Variants in DYNC1I1 observed in about 807,000 individuals in gnomAD.
The protein encoded by DYNC1I1 is dynein cytoplasmic 1 intermediate chain 1.
A neutral mutation model predicts 86.6 loss-of-function variants in DYNC1I1; 43 were observed. That is an observed-to-expected ratio of 0.50 (90% CI 0.39 to 0.64). The LOEUF (loss-of-function observed/expected upper bound fraction) is 0.64, where lower values mean the gene tolerates loss of function less well. Ranked by LOEUF, DYNC1I1 falls within the 30% of genes least tolerant of loss-of-function variation. The pLI is 0.00. For synonymous variants in DYNC1I1, 262 were observed against 283.7 expected, an observed-to-expected ratio of 0.92 and a Z score of 0.77; for missense variants, 604 against 788.8, an observed-to-expected ratio of 0.77 and a Z score of 2.81.
At chr7:96,084,019 T>G (rs1437282127) in intron 16 of DYNC1I1, among the ~76,000 whole-genome samples, 1 of 152,208 alleles carries the variant, frequency 6.6e-6, no homozygotes, top group African/African-American at 2.4e-5. Flanking sequence ...ACATCTCATA[T>G]TCATTCTCCC....
chr7:95,939,488 G>T (rs1792140595), intron 6 of DYNC1I1, among the ~76,000 whole-genome samples: 1 of 151,838 alleles, frequency 6.6e-6, no homozygotes, highest in African/African-American at 2.4e-5. Context: ...CTCCTGTATT[G>T]GGTGCATATA....
intron 6 of DYNC1I1, among the ~76,000 whole-genome samples, chr7:95,920,444 G>A (rs1351407297): frequency 6.6e-6 from 1 of 152,154 alleles, no homozygotes; most frequent in Non-Finnish European, 1.5e-5. Context: ...TGGAACAGAA[G>A]AAGGACATTA....
In DYNC1I1 at chr7:96,105,095, C is replaced by T. The variant is rs1042788214; in HGVS notation, c.1543-4884C>T. ...CTAATTTTTTATGCTATTGTAAATACTATTGTTATTATTTTTCAATTTTTT... is the reference window on the plus strand; with the variant it reads ...CTAATTTTTTATGCTATTGTAAATATTATTGTTATTATTTTTCAATTTTTT... On this transcript the variant is annotated intron_variant, in intron 16 of 16. Coordinates refer to the DYNC1I1 transcript ENST00000537881. Among the ~76,000 whole-genome samples the T allele has an allele frequency of 2.0e-5, 3 of 151,370 alleles. No homozygotes were observed. The East Asian group carries it at 5.8e-4, about 29-fold the overall frequency.
intron 4 of DYNC1I1, chr7:95,818,472 A>AT: frequency 7.2e-6 from 4 of 552,390 alleles, no homozygotes; most frequent in East Asian, 3.1e-5. Context: ...CAGCTGATTT[A>AT]ATTTTTTTTT....
intron 6 of DYNC1I1, among the ~76,000 whole-genome samples, chr7:95,877,572 T>G (rs767959444): frequency 9.2e-5 from 14 of 152,154 alleles, no homozygotes; most frequent in Non-Finnish European, 1.6e-4. Context: ...TAACATGATT[T>G]TCAATGTTCA....
At chr7:95,920,686 G>A (rs947931730) in intron 6 of DYNC1I1, among the ~76,000 whole-genome samples, 1 of 152,138 alleles carries the variant, frequency 6.6e-6, no homozygotes, top group Non-Finnish European at 1.5e-5. Flanking sequence ...ACATCTCAGT[G>A]TCATTATTTT....
At chr7:96,088,901 G>A (rs1790760224) in intron 16 of DYNC1I1, among the ~76,000 whole-genome samples, 1 of 152,050 alleles carries the variant, frequency 6.6e-6, no homozygotes, top group South Asian at 2.1e-4. Context: ...TAAAGCATGA[G>A]TTACTTATCA....
chr7:96,105,375 A>G (rs1198176025), intron 16 of DYNC1I1, among the ~76,000 whole-genome samples: 1 of 151,476 alleles, frequency 6.6e-6, no homozygotes, highest in Non-Finnish European at 1.5e-5. Context: ...TCATGAGTAG[A>G]TGCTGAGTTT....
At chr7:96,077,685 G>T (rs962504562) in intron 15 of DYNC1I1, among the ~76,000 whole-genome samples, 1 of 152,108 alleles carries the variant, frequency 6.6e-6, no homozygotes, top group Non-Finnish European at 1.5e-5. Flanking sequence ...TTAGGAGACC[G>T]CTGTAGTAGA....
At chr7:96,099,467 C>T (rs1046732252), downstream of DYNC1I1, among the ~76,000 whole-genome samples, 3 of 152,162 alleles carry the variant, frequency 2.0e-5, no homozygotes, top group African/African-American at 7.2e-5. Context: ...ACTGCTATAA[C>T]AGAATACTGT....
At chr7:95,781,209 T>C (rs1793985450) in intron 1 of DYNC1I1, among the ~76,000 whole-genome samples, 1 of 152,204 alleles carries the variant, frequency 6.6e-6, no homozygotes. Context: ...AGGGACACTG[T>C]AAAAGGCCAG....
chr7:96,024,367 G>C (rs561369700), intron 10 of DYNC1I1, among the ~76,000 whole-genome samples: 4 of 152,250 alleles, frequency 2.6e-5, no homozygotes, highest in Admixed American at 2.6e-4. Flanking sequence ...AAAGTTCTGA[G>C]ATTACAGGTG....
In DYNC1I1 at chr7:95,905,720, T is replaced by C. The variant is rs75993641; in HGVS notation, c.490+35722T>C. On this transcript the variant is annotated intron_variant, in intron 6 of 16. Transcript: ENST00000447467. Reference sequence around the variant, plus strand: ...TCTGGGCTTTTTTTTTTTTCATAGATGGCATTTCATTATCCTGTCAACACT... The same window carrying C: ...TCTGGGCTTTTTTTTTTTTCATAGACGGCATTTCATTATCCTGTCAACACT... Among the ~76,000 whole-genome samples the C allele has an allele frequency of 3.1e-3, 463 of 151,786 alleles. 16 individuals are homozygous for C. The East Asian group carries it at 0.077, about 25-fold the overall frequency.
intron 6 of DYNC1I1, among the ~76,000 whole-genome samples, chr7:95,933,554 T>G (rs1386812718): frequency 6.6e-6 from 1 of 152,176 alleles, no homozygotes; most frequent in Non-Finnish European, 1.5e-5. Context: ...TTTGGTAGCT[T>G]AGAAATGGCA....
chr7:96,098,854 C>T (rs1460299182), downstream of DYNC1I1, among the ~76,000 whole-genome samples: 6 of 152,032 alleles, frequency 3.9e-5, no homozygotes, highest in Middle Eastern at 3.2e-3. Flanking sequence ...AAACAAATAG[C>T]GGTTGAGTCA....
intron 6 of DYNC1I1, among the ~76,000 whole-genome samples, chr7:95,913,101 C>A (rs1791380504): frequency 6.6e-6 from 1 of 152,116 alleles, no homozygotes; most frequent in Admixed American, 6.6e-5. Context: ...TTAAGGTGAG[C>A]TAGTGTCTCT....
At position 96,002,675 on chromosome 7, in the gene DYNC1I1, T is replaced by C. The variant is rs149362579; in HGVS notation, c.969+6602T>C. ...GCATGGATGTGACCTCCCTCCTTAG[T>C]TGCTGAATGGGGGGTTGTGACTGAG... On this transcript the variant is annotated intron_variant, in intron 10 of 16. Coordinates refer to ENST00000447467, the MANE Select transcript of DYNC1I1 (RefSeq NM_001135556.2). Among the ~76,000 whole-genome samples, 1,309 of 152,210 alleles carry C rather than the reference T, an allele frequency of 8.6e-3. 15 individuals carry two copies. Among genetic ancestry groups the C allele is most frequent in the African/African-American group, 0.03 (1,239 of 41,532 alleles).
intron 14 of DYNC1I1, among the ~76,000 whole-genome samples, chr7:96,056,841 C>A (rs777016593): frequency 6.6e-6 from 1 of 152,058 alleles, no homozygotes; most frequent in Non-Finnish European, 1.5e-5. Flanking sequence ...GAATGAGCTG[C>A]ATATATGGCA....
Position 95,811,805 on chromosome 7 carries a change from T to C in DYNC1I1, c.223+1299T>C, listed in dbSNP as rs1359372401. On this transcript the variant is annotated intron_variant, in intron 3 of 16. Coordinates refer to ENST00000447467, the MANE Select transcript of DYNC1I1 (RefSeq NM_001135556.2). ...CACATTTTTTTCTACTTAGTTGACA[T>C]CTGATATGAGTTAGACACATTGCAA... Among the ~76,000 whole-genome samples the C allele has an allele frequency of 2.6e-5, 4 of 152,148 alleles. No individual in the cohort carries two copies. In the East Asian group the frequency reaches 7.7e-4, roughly 29 times the overall value.
Sources: allele counts gnomAD v4.1 joint callset (sites outside exome capture counted in the v4.1 genomes callset), GRCh38; gene constraint gnomAD v4.1.1; transcripts MANE v1.5; gene names NCBI Gene and HGNC (gene_info 2026-07-23, HGNC 2026-07-21).